Variants in UGT1A9 observed in about 807,000 individuals in gnomAD.
The protein encoded by UGT1A9 is UDP-glucuronosyltransferase 1A9.
UGT1A9 carries 35 observed loss-of-function variants against 45.0 expected under a neutral mutation model. The observed-to-expected ratio is 0.78, with a 90% CI of 0.59 to 1.03. The LOEUF (loss-of-function observed/expected upper bound fraction) is 1.03. UGT1A9 is among the 50% of genes least tolerant of loss of function. The probability of loss-of-function intolerance (pLI) is 0.00; values close to 1 mark genes in which losing one functional copy is unlikely to be tolerated. For synonymous variants in UGT1A9, 278 were observed against 250.6 expected, an observed-to-expected ratio of 1.11 and a Z score of -1.03; for missense variants, 687 against 666.6, an observed-to-expected ratio of 1.03 and a Z score of -0.34.
At chr2:233,727,469 A>C (rs1381010401) in intron 1 of UGT1A9, among the ~76,000 whole-genome samples, 7 of 152,276 alleles carry the variant, frequency 4.6e-5, no homozygotes, top group Non-Finnish European at 8.8e-5. Flanking sequence ...TGTCTAAATA[A>C]AACACTACTA....
At chr2:233,676,958 G>A (rs1023750959) in intron 1 of UGT1A9, among the ~76,000 whole-genome samples, 1 of 151,902 alleles carries the variant, frequency 6.6e-6, no homozygotes, top group African/African-American at 2.4e-5. Context: ...GATTACTATA[G>A]CTGTGTAATA....
chr2:233,772,348 T>C lies in UGT1A9; in HGVS notation c.1382T>C (p.Phe461Ser). ...PLDLAVFWVE[F>S]VMRHKGAPHL... Reference sequence around the variant, plus strand: ...GACCTGGCCGTGTTCTGGGTGGAGTTTGTGATGAGGCACAAGGGCGCGCCA... The same window carrying C: ...GACCTGGCCGTGTTCTGGGTGGAGTCTGTGATGAGGCACAAGGGCGCGCCA... Residue 461 changes from phenylalanine (F) to serine (S), a missense_variant, in exon 5 of 5, where the codon TTT becomes TCT. Physicochemically the swap from Phe to Ser is radical, Grantham distance 155. Transcript: ENST00000354728. 3 of 1,614,234 alleles carry C rather than the reference T, an allele frequency of 1.9e-6. No individual in the cohort carries two copies. In the South Asian group the frequency reaches 3.3e-5, roughly 18 times the overall value.
At chr2:233,721,171 T>A (rs2076925263) in intron 1 of UGT1A9, among the ~76,000 whole-genome samples, 1 of 152,236 alleles carries the variant, frequency 6.6e-6, no homozygotes, top group South Asian at 2.1e-4. Context: ...ATTTTTGTTT[T>A]TGATCAAACC....
At position 233,672,103 on chromosome 2, in the gene UGT1A9, G is replaced by A. The variant is rs767768121; in HGVS notation, c.169G>A (p.Val57Ile). The A allele has an allele frequency of 5.3e-5, 85 of 1,614,178 alleles. 2 individuals carry two copies. In the South Asian group the frequency reaches 8.9e-4, roughly 17 times the overall value. ...KLILRGHEVV[V>I]VMPEVSWQLG... is the part of the protein sequence containing the mutation. Reference sequence around the variant, plus strand: ...CATTCTCAGGGGGCATGAGGTGGTTGTAGTCATGCCAGAGGTGAGTTGGCA... The same window carrying A: ...CATTCTCAGGGGGCATGAGGTGGTTATAGTCATGCCAGAGGTGAGTTGGCA... The change falls in exon 1 of 5, where the codon GTA becomes ATA. Residue 57 changes from valine to isoleucine, a missense_variant. Coordinates refer to ENST00000354728, the MANE Select transcript of UGT1A9 (RefSeq NM_021027.3).
rs748276868 is a variant in UGT1A9 at position 233,672,165 on chromosome 2, T to C, written c.231T>C (p.Tyr77=). The C allele has an allele frequency of 1.9e-6, 3 of 1,614,198 alleles. No homozygotes were observed. The highest frequency in any genetic ancestry group is 1.7e-5 in the Admixed American group (1 of 60,016). Residue 77 remains tyrosine (Y), a synonymous_variant, in exon 1 of 5, where the codon TAT becomes TAC. Coordinates refer to ENST00000354728, the MANE Select transcript of UGT1A9 (RefSeq NM_021027.3). ...CACTGAATTGCACAGTGAAGACTTA[T>C]TCAACTTCATATACCCTGGAGGATC... is the stretch of plus-strand genomic sequence containing the variant. ...GRSLNCTVKT[Y]STSYTLEDLD...
Position 233,683,200 on chromosome 2 carries a change from T to C in UGT1A9, c.855+10411T>C, listed in dbSNP as rs45437594. 1.2e-3 allele frequency among the ~76,000 whole-genome samples: 183 copies of C among 152,314 alleles called. 7 individuals are homozygous for C. In the East Asian group the frequency reaches 0.027, roughly 22 times the overall value. On this transcript the variant is annotated intron_variant, in intron 1 of 4. Coordinates refer to ENST00000354728, the MANE Select transcript of UGT1A9 (RefSeq NM_021027.3). ...ATATGCATATATTTAGGGTAAATTG[T>C]CACTTCTATTTTATCAATATAAAAT...
In UGT1A9 at chr2:233,772,930, T is replaced by A; in HGVS notation, c.*371T>A. On this transcript the variant is annotated 3_prime_UTR_variant, in exon 5 of 5. Coordinates refer to ENST00000354728, the MANE Select transcript of UGT1A9 (RefSeq NM_021027.3). ...CCTACTGCAAATGGCAGTTTTAATC[T>A]TATCTTTTGGCTTCTGCAGATGGTT... The A allele has an allele frequency of 2.9e-6, 1 of 350,402 alleles. No individual in the cohort carries two copies. The highest frequency in any genetic ancestry group is 3.0e-5 in the South Asian group (1 of 32,922). The allele number at this position is 350,402 out of a possible 1,614,324, so 21.7% of individuals were successfully genotyped here.
At chr2:233,768,876 G>A (rs747097900) in intron 4 of UGT1A9, among the ~76,000 whole-genome samples, 6 of 151,968 alleles carry the variant, frequency 3.9e-5, no homozygotes, top group Admixed American at 6.6e-5. Flanking sequence ...GAGCCAGCGC[G>A]TCTGACCTGG....
intron 1 of UGT1A9, chr2:233,761,121 C>T (rs1672783934): frequency 6.2e-7 from 1 of 1,614,054 alleles, no homozygotes; most frequent in South Asian, 1.1e-5. Context: ...TTGGTGGAAT[C>T]AACTGCCTTC....
At chr2:233,724,183 G>A (rs1455555189) in intron 1 of UGT1A9, among the ~76,000 whole-genome samples, 1,241 of 117,586 alleles carry the variant, frequency 0.011, 5 homozygotes, top group Non-Finnish European at 0.017. Flanking sequence ...TCTCCCTCCC[G>A]GACGGGGTGG....
intron 1 of UGT1A9, among the ~76,000 whole-genome samples, chr2:233,703,210 TAA>T (rs1353895026): frequency 1.3e-5 from 2 of 152,198 alleles, no homozygotes; most frequent in African/African-American, 4.8e-5. Flanking sequence ...CAATTTTATC[TAA>T]GTTATCTAAT....
rs1310815990 is a variant in UGT1A9, at chr2:233,693,240, C to T, written c.855+20451C>T. ...AAATACTACACAAGAAAAATCTATC[C>T]AGTGCCGTATGACCAAGAAGAGCTG... On this transcript the variant is annotated intron_variant, in intron 1 of 4. Transcript: ENST00000354728. 6.8e-6 allele frequency: 11 copies of T among 1,614,022 alleles called. No homozygotes were observed. The African/African-American group carries it at 1.3e-4, about 20-fold the overall frequency.
At chr2:233,730,198 G>T (rs544900257) in intron 1 of UGT1A9, among the ~76,000 whole-genome samples, 1 of 152,188 alleles carries the variant, frequency 6.6e-6, no homozygotes, top group Non-Finnish European at 1.5e-5. Context: ...CTGAGAGGAA[G>T]AGGAAGTAGA....
chr2:233,746,266 G>A (rs573360161), intron 1 of UGT1A9, among the ~76,000 whole-genome samples: 7 of 151,810 alleles, frequency 4.6e-5, no homozygotes, highest in South Asian at 4.1e-4. Context: ...AGAACAAAAC[G>A]CTGTGGGGAT....
chr2:233,697,998 T>C (rs2075420632), intron 1 of UGT1A9, among the ~76,000 whole-genome samples: 1 of 152,132 alleles, frequency 6.6e-6, no homozygotes, highest in South Asian at 2.1e-4. Flanking sequence ...AAGGAAAAAA[T>C]ATCATTTCTG....
intron 3 of UGT1A9, 24 bp downstream of exon 3, chr2:233,767,960 T>G (rs769330196): frequency 1.2e-6 from 2 of 1,614,082 alleles, no homozygotes; most frequent in Admixed American, 3.3e-5. Context: ...ATTGGATGTA[T>G]AGGTCAAACC....
At chr2:233,767,974 G>A (rs1338835560) in intron 3 of UGT1A9, 38 bp downstream of exon 3, 1 of 1,613,994 alleles carries the variant, frequency 6.2e-7, no homozygotes, top group Non-Finnish European at 8.5e-7. Context: ...TCAAACCAGG[G>A]TCAAATTAAG....
At chr2:233,697,144 G>T (rs2075378221) in intron 1 of UGT1A9, among the ~76,000 whole-genome samples, 1 of 152,058 alleles carries the variant, frequency 6.6e-6, no homozygotes. Flanking sequence ...AATAGTTTGA[G>T]TGGAACTGGT....
intron 1 of UGT1A9, among the ~76,000 whole-genome samples, chr2:233,737,027 C>T (rs2078835915): frequency 6.6e-6 from 1 of 152,230 alleles, no homozygotes; most frequent in South Asian, 2.1e-4. Flanking sequence ...TCTGTCCATT[C>T]TCAGAGCTCA....
Sources: gnomAD v4.1 joint callset for allele counts (sites outside exome capture counted in the v4.1 genomes callset) on GRCh38, gnomAD v4.1.1 for gene constraint, MANE v1.5 for transcripts, NCBI Gene and HGNC (gene_info 2026-07-23, HGNC 2026-07-21) for gene names.